RGS3: variants seen among roughly 807,000 people sequenced by gnomAD.
RGS3 encodes the protein regulator of G-protein signalling 3.
In RGS3, 80 loss-of-function variants were observed where a neutral mutation model predicts 132.6. That is an observed-to-expected ratio of 0.60 (90% CI 0.50 to 0.73). RGS3 has a LOEUF of 0.73. Ranked by LOEUF, RGS3 falls within the 30% of genes least tolerant of loss-of-function variation. RGS3 has a pLI of 0.00. For synonymous variants in RGS3, 598 were observed against 620.6 expected (o/e 0.96, Z 0.54); for missense variants, 1,382 against 1,530.8 (o/e 0.90, Z 1.62).
chr9:113,497,782 A>G lies in RGS3; in HGVS notation c.842-243A>G, dbSNP rs117287079. ...ACAGACAGGGCGTTTAGGTCCTGCC[A>G]TGATCCCTAAGGCTCAGAATGTGGA... On this transcript the variant is annotated intron_variant, in intron 9 of 24. Transcript: ENST00000350696. 4.7e-3 allele frequency among the ~76,000 whole-genome samples: 711 copies of G among 152,278 alleles called. 1 individual carries two copies. The highest frequency in any genetic ancestry group is 0.01 in the Middle Eastern group (3 of 294).
intron 19 of RGS3, among the ~76,000 whole-genome samples, chr9:113,548,813 C>T (rs1833217634): frequency 6.6e-6 from 1 of 152,162 alleles, no homozygotes; most frequent in Non-Finnish European, 1.5e-5. Context: ...TGGCTGCAGG[C>T]CTTGTGCTGA....
chr9:113,500,261 C>T (rs1323090634), intron 10 of RGS3, among the ~76,000 whole-genome samples: 1 of 152,230 alleles, frequency 6.6e-6, no homozygotes, highest in East Asian at 1.9e-4. Context: ...GCCATCTCTT[C>T]AGCTCCTGTG....
Position 113,584,049 on chromosome 9 carries a change from GGA to G in RGS3, c.2639_2640del (p.Glu880GlyfsTer20), listed in dbSNP as rs1188018734. 6.2e-7 allele frequency: 1 copy of G among 1,614,198 alleles called. No individual in the cohort carries two copies. Among genetic ancestry groups the G allele is most frequent in the African/African-American group, 1.3e-5 (1 of 75,072 alleles). ...CAGAGCAGGGCTGCTCGGGAGATGAGGAGGATGCAGAAGAGGCCGAGGAGGTG... is the reference window on the plus strand; with the variant it reads ...CAGAGCAGGGCTGCTCGGGAGATGAGGGATGCAGAAGAGGCCGAGGAGGTG... On this transcript the variant is annotated frameshift_variant, in exon 20 of 25. Coordinates refer to ENST00000350696, the Ensembl canonical transcript of RGS3. LOFTEE classifies it high-confidence loss of function.
chr9:113,542,744 G>A (rs1184105742), intron 19 of RGS3, among the ~76,000 whole-genome samples: 1 of 152,226 alleles, frequency 6.6e-6, no homozygotes, highest in Non-Finnish European at 1.5e-5. Flanking sequence ...TGCTCAGCCT[G>A]GCCCAGGTGG....
At chr9:113,583,766 G>C (rs1834950039) in exon 20 of RGS3, 5 of 1,613,926 alleles carry the variant, frequency 3.1e-6, no homozygotes. Flanking sequence ...CTACCTGCTG[G>C]TCAAGAACCC....
chr9:113,477,050 C>T (rs1830014647), intron 3 of RGS3, among the ~76,000 whole-genome samples: 4 of 152,170 alleles, frequency 2.6e-5, no homozygotes, highest in Admixed American at 2.6e-4. Flanking sequence ...CTCTCCCACC[C>T]CACACTAGAT....
chr9:113,512,987 G>A (rs544948593), intron 14 of RGS3, among the ~76,000 whole-genome samples: 1 of 152,282 alleles, frequency 6.6e-6, no homozygotes, highest in Admixed American at 6.5e-5. Context: ...ACCTGAGGTT[G>A]GGAGTTCGAG....
intron 13 of RGS3, 125 bp from the exon 12 acceptor site, chr9:113,508,416 T>A: frequency 1.1e-6 from 1 of 877,386 alleles, no homozygotes; most frequent in Admixed American, 1.9e-5. Context: ...CCAGAACTGC[T>A]GTTTTTCTCT....
chr9:113,515,149 T>C (rs946808580), intron 15 of RGS3, among the ~76,000 whole-genome samples: 53 of 152,088 alleles, frequency 3.5e-4, no homozygotes, highest in African/African-American at 1.3e-3. Context: ...TCAAACAAAG[T>C]GCTTGAAGAA....
chr9:113,548,253 G>A (rs947452847), intron 19 of RGS3, among the ~76,000 whole-genome samples: 19 of 152,224 alleles, frequency 1.2e-4, no homozygotes, highest in African/African-American at 1.7e-4. Context: ...CAGGAAAGGG[G>A]TCACAGACGG....
chr9:113,445,449 C>T (rs1444702499), intron 1 of RGS3, among the ~76,000 whole-genome samples: 1 of 152,044 alleles, frequency 6.6e-6, no homozygotes, highest in Non-Finnish European at 1.5e-5. Context: ...CTGCCCACCT[C>T]GGCCTCCCAA....
At chr9:113,596,024 CA>C (rs1389644224) in intron 24 of RGS3, among the ~76,000 whole-genome samples, 1 of 152,248 alleles carries the variant, frequency 6.6e-6, no homozygotes, top group Admixed American at 6.5e-5. Context: ...ATGTTTAATC[CA>C]CACAACAACC....
intron 19 of RGS3, among the ~76,000 whole-genome samples, chr9:113,558,680 A>G (rs531810822): frequency 6.6e-6 from 1 of 152,322 alleles, no homozygotes; most frequent in African/African-American, 2.4e-5. Flanking sequence ...GGGCTCCTTA[A>G]GCTACCTGTG....
In RGS3 at chr9:113,483,063, A is replaced by G. The variant is rs541025438; in HGVS notation, c.471A>G (p.Ile157Met). 1.9e-5 allele frequency: 31 copies of G among 1,614,124 alleles called. No individual in the cohort carries two copies. In the South Asian group the frequency reaches 3.2e-4, roughly 17 times the overall value. The change falls in exon 5 of 25, where the codon ATA becomes ATG. Residue 157 changes from isoleucine (I) to methionine (M), a missense_variant. By Grantham distance (10) the Ile-to-Met change is conservative. Transcript: ENST00000350696. ...AATGTCTGAATTCTCTTTTAGTTAT[A>G]GAAGGTAAAGGCCTGATCAGCAAAC...
intron 3 of RGS3, among the ~76,000 whole-genome samples, chr9:113,471,768 T>A (rs1388831082): frequency 6.6e-6 from 1 of 152,146 alleles, no homozygotes; most frequent in Non-Finnish European, 1.5e-5. Context: ...CTCATTCACA[T>A]GGCTCTCAGC....
At chr9:113,573,768 T>C (rs1255013623) in intron 19 of RGS3, among the ~76,000 whole-genome samples, 1 of 152,148 alleles carries the variant, frequency 6.6e-6, no homozygotes, top group Non-Finnish European at 1.5e-5. Context: ...TCCAACCATG[T>C]GGAGTCCGAG....
At chr9:113,447,006 A>T (rs1305591917) in intron 1 of RGS3, among the ~76,000 whole-genome samples, 4 of 151,964 alleles carry the variant, frequency 2.6e-5, no homozygotes, top group Non-Finnish European at 4.4e-5. Context: ...TCACGCCTGT[A>T]ATCCCAGCAC....
chr9:113,480,268 C>G (rs906987888), intron 4 of RGS3, among the ~76,000 whole-genome samples: 8 of 151,886 alleles, frequency 5.3e-5, no homozygotes, highest in Non-Finnish European at 1.0e-4. Flanking sequence ...ACCGGCCTGG[C>G]CAACATACTG....
In RGS3 at chr9:113,463,680, C is replaced by T; in HGVS notation, c.415+1479C>T. 1 of 1,401,968 alleles carries T rather than the reference C, an allele frequency of 7.1e-7. No individual in the cohort carries two copies. The highest frequency in any genetic ancestry group is 9.3e-7 in the Non-Finnish European group (1 of 1,081,038). The allele number at this position is 1,401,968 out of a possible 1,614,324, so 86.8% of individuals were successfully genotyped here. On this transcript the variant is annotated intron_variant, in intron 3 of 24. Coordinates refer to ENST00000350696, the Ensembl canonical transcript of RGS3. The surrounding 1 kb of genome is among the most constrained non-coding windows in gnomAD (Gnocchi z 4.6). ...CAGGGCCGGGCGCGCCCTGGCCGTT[C>T]CAACGCTTGGGGCAGCCCTACCTCC...
Sources: allele counts gnomAD v4.1 joint callset (sites outside exome capture counted in the v4.1 genomes callset), GRCh38; gene constraint gnomAD v4.1.1; non-coding constraint Gnocchi (gnomAD v3.1); transcripts MANE v1.5; gene names NCBI Gene and HGNC (gene_info 2026-07-23, HGNC 2026-07-21).